The following MAPK4 variants were observed in gnomAD, a reference collection of about 807,000 sequenced individuals.
MAPK4 encodes mitogen-activated protein kinase 4, also known as Erk3-related.
MAPK4 carries 22 observed loss-of-function variants against 47.7 expected under a neutral mutation model. The ratio of observed to expected loss-of-function variants is 0.46; its 90% CI spans 0.33 to 0.66. The LOEUF is 0.66. MAPK4 is among the 30% of genes least tolerant of loss of function. The probability of loss-of-function intolerance (pLI) is 0.02; values close to 1 mark genes in which losing one functional copy is unlikely to be tolerated. For synonymous variants in MAPK4, 390 were observed against 365.7 expected, an observed-to-expected ratio of 1.07 and a Z score of -0.76; for missense variants, 736 against 831.7, an observed-to-expected ratio of 0.88 and a Z score of 1.42.
chr18:50,675,801 A>G (rs2144296649), intron 2 of MAPK4, among the ~76,000 whole-genome samples: 1 of 151,868 alleles, frequency 6.6e-6, no homozygotes, highest in East Asian at 1.9e-4. Flanking sequence ...ATTTTTTTGT[A>G]TTTTTAGTAG....
chr18:50,704,891 G>C (rs1003335017), intron 2 of MAPK4: 6 of 397,710 alleles, frequency 1.5e-5, no homozygotes, highest in African/African-American at 1.2e-4. Context: ...GCACCTGGCA[G>C]GTGGCTGTTA....
At chr18:50,655,009 C>G (rs1480931151) in intron 1 of MAPK4, among the ~76,000 whole-genome samples, 1 of 152,214 alleles carries the variant, frequency 6.6e-6, no homozygotes, top group African/African-American at 2.4e-5. Flanking sequence ...CTTCTGCAAA[C>G]TTCTCTTCCC....
At chr18:50,637,694 T>G (rs1221853931) in intron 1 of MAPK4, among the ~76,000 whole-genome samples, 1 of 152,198 alleles carries the variant, frequency 6.6e-6, no homozygotes, top group Non-Finnish European at 1.5e-5. Flanking sequence ...GACACGTATT[T>G]TCTCACAGTT....
intron 1 of MAPK4, among the ~76,000 whole-genome samples, chr18:50,586,127 T>C (rs1439533278): frequency 1.3e-5 from 2 of 152,218 alleles, no homozygotes; most frequent in African/African-American, 4.8e-5. Context: ...TATCCATTCA[T>C]AAGGAACTTG....
chr18:50,685,124 G>C (rs1908802512), intron 2 of MAPK4, among the ~76,000 whole-genome samples: 11 of 152,224 alleles, frequency 7.2e-5, no homozygotes, highest in Admixed American at 7.2e-4. Flanking sequence ...CAGGTGATCT[G>C]ATTTCTAGTC....
chr18:50,562,526 A>G (rs28505842), intron 1 of MAPK4, among the ~76,000 whole-genome samples: 15,285 of 152,128 alleles, frequency 0.1, 911 homozygotes, highest in African/African-American at 0.16. Context: ...CCCTCACTCC[A>G]AACTGATACC....
In MAPK4 at chr18:50,687,042, T is replaced by A. The variant is rs117998467; in HGVS notation, c.546+22538T>A. ...ATATAAAAACATAGATGAAAATAACTTAGAATTCACATACCTTTTGCCCAT... is the reference window on the plus strand; with the variant it reads ...ATATAAAAACATAGATGAAAATAACATAGAATTCACATACCTTTTGCCCAT... On this transcript the variant is annotated intron_variant, in intron 2 of 5. Transcript: ENST00000400384. Among the ~76,000 whole-genome samples the A allele has an allele frequency of 2.0e-5, 3 of 152,364 alleles. No individual in the cohort carries two copies. In the East Asian group the frequency reaches 5.8e-4, roughly 29 times the overall value.
chr18:50,610,842 C>T (rs1447999046), intron 1 of MAPK4, among the ~76,000 whole-genome samples: 4 of 152,202 alleles, frequency 2.6e-5, no homozygotes, highest in Non-Finnish European at 4.4e-5. Context: ...TCCCCTTTCT[C>T]CACTTGACAG....
At chr18:50,668,360 C>A (rs1198748792) in intron 2 of MAPK4, among the ~76,000 whole-genome samples, 1 of 152,306 alleles carries the variant, frequency 6.6e-6, no homozygotes, top group South Asian at 2.1e-4. Context: ...CCCACATCCC[C>A]TCCTCTAGCG....
intron 1 of MAPK4, among the ~76,000 whole-genome samples, chr18:50,608,473 G>C (rs2042602077): frequency 6.6e-6 from 1 of 152,182 alleles, no homozygotes; most frequent in African/African-American, 2.4e-5. Flanking sequence ...TGAAGATACA[G>C]ATCCACTTCC....
At chr18:50,605,962 C>G (rs1246370546) in intron 1 of MAPK4, among the ~76,000 whole-genome samples, 1 of 151,834 alleles carries the variant, frequency 6.6e-6, no homozygotes, top group Non-Finnish European at 1.5e-5. Context: ...CTGGCTTGGT[C>G]CACATGCTTT....
intron 1 of MAPK4, among the ~76,000 whole-genome samples, chr18:50,626,852 G>A (rs1302529092): frequency 2.0e-5 from 3 of 152,184 alleles, no homozygotes; most frequent in Admixed American, 6.5e-5. Context: ...GCGCTTGCAC[G>A]TGGTGTCATT....
intron 2 of MAPK4, among the ~76,000 whole-genome samples, chr18:50,681,944 T>C (rs1423881177): frequency 6.6e-6 from 1 of 152,144 alleles, no homozygotes; most frequent in African/African-American, 2.4e-5. Context: ...TTGAAACCAT[T>C]ATCCTAAGTG....
At chr18:50,673,274 C>T (rs1372551784) in intron 2 of MAPK4, among the ~76,000 whole-genome samples, 1 of 152,108 alleles carries the variant, frequency 6.6e-6, no homozygotes, top group African/African-American at 2.4e-5. Context: ...GAAACTCCGC[C>T]TCAAAAAAAT....
intron 3 of MAPK4, among the ~76,000 whole-genome samples, chr18:50,719,164 T>C (rs916415252): frequency 1.3e-5 from 2 of 151,732 alleles, no homozygotes; most frequent in Non-Finnish European, 1.5e-5. Context: ...TGTCCAAACA[T>C]TTAGGCCCTG....
At chr18:50,659,971 G>A (rs2043152346) in intron 1 of MAPK4, among the ~76,000 whole-genome samples, 1 of 152,174 alleles carries the variant, frequency 6.6e-6, no homozygotes, top group Non-Finnish European at 1.5e-5. Context: ...CTGCCCAGGT[G>A]GACACATCCA....
chr18:50,601,337 A>G (rs1472539422), intron 1 of MAPK4, among the ~76,000 whole-genome samples: 1 of 133,704 alleles, frequency 7.5e-6, no homozygotes, highest in Non-Finnish European at 1.6e-5. Context: ...CTATGTCAAA[A>G]AAAAAAAAAA....
chr18:50,590,426 G>T (rs1364355576), intron 1 of MAPK4, among the ~76,000 whole-genome samples: 1 of 152,198 alleles, frequency 6.6e-6, no homozygotes, highest in African/African-American at 2.4e-5. Context: ...CATCATGTAG[G>T]AGAGAGATAA....
intron 1 of MAPK4, among the ~76,000 whole-genome samples, chr18:50,571,183 A>G (rs1440468417): frequency 1.3e-5 from 2 of 152,160 alleles, no homozygotes; most frequent in East Asian, 3.9e-4. Context: ...CCTTTTATGT[A>G]TTCCACAATA....
Sources: gnomAD v4.1 joint callset for allele counts (sites outside exome capture counted in the v4.1 genomes callset) on GRCh38, gnomAD v4.1.1 for gene constraint, MANE v1.5 for transcripts, NCBI Gene and HGNC (gene_info 2026-07-23, HGNC 2026-07-21) for gene names.